CRTC1: variants seen among roughly 807,000 people sequenced by gnomAD.
The protein encoded by CRTC1 is CREB-regulated transcription coactivator 1.
CRTC1 carries 18 observed loss-of-function variants against 66.1 expected under a neutral mutation model. The ratio of observed to expected loss-of-function variants is 0.27; its 90% CI spans 0.19 to 0.40. The LOEUF (loss-of-function observed/expected upper bound fraction) is 0.40. CRTC1 is among the 10% of genes least tolerant of loss of function. The pLI is 1.00. For synonymous variants in CRTC1, 416 were observed against 398.8 expected, an observed-to-expected ratio of 1.04 and a Z score of -0.51; for missense variants, 669 against 887.9, an observed-to-expected ratio of 0.75 and a Z score of 3.13.
rs2055072180 is a variant in CRTC1 at position 18,779,986 on chromosome 19, G to T, written c.*2604G>T. ...GTCTGTATCACGGCCTTTTGTGTGT[G>T]CGTACGTGTGGTTTTTTTAAATATC... On this transcript the variant is annotated 3_prime_UTR_variant, in exon 14 of 14. Coordinates refer to ENST00000321949, the MANE Select transcript of CRTC1 (RefSeq NM_015321.3). The T allele has an allele frequency of 4.4e-6, 1 of 228,894 alleles. No individual in the cohort carries two copies. Among genetic ancestry groups the T allele is most frequent in the Non-Finnish European group, 8.7e-6 (1 of 115,448 alleles). The allele number at this position is 228,894 out of a possible 1,614,324, so 14.2% of individuals were successfully genotyped here.
Position 18,778,432 on chromosome 19 carries a change from A to G in CRTC1, c.*1050A>G, listed in dbSNP as rs1280692277. On this transcript the variant is annotated 3_prime_UTR_variant, in exon 14 of 14. Transcript: ENST00000321949. ...TTTAAGCTAACTGGAAATGGAGGCC[A>G]TGCGCCCCAAAGCAGCCCGCCACCC... 4.3e-6 allele frequency: 1 copy of G among 232,046 alleles called. No individual in the cohort carries two copies. Among genetic ancestry groups the G allele is most frequent in the Non-Finnish European group, 8.5e-6 (1 of 117,348 alleles). 14.4% of individuals were successfully genotyped at this position (232,046 alleles called of 1,614,324 possible).
At chr19:18,700,925 C>T (rs1227386936) in intron 1 of CRTC1, among the ~76,000 whole-genome samples, 1 of 152,274 alleles carries the variant, frequency 6.6e-6, no homozygotes, top group Admixed American at 6.5e-5. Context: ...CCTTTCGCAT[C>T]TGTGCGCATC....
rs1185912388 is a variant in CRTC1, at chr19:18,761,094, ACAT to A, written c.886+867_886+869del. On this transcript the variant is annotated intron_variant, in intron 8 of 13. Coordinates refer to ENST00000321949, the MANE Select transcript of CRTC1 (RefSeq NM_015321.3). Reference sequence around the variant, plus strand: ...CCCAGTCCCACCTCAGGGCCTCTGCACATGTAGTCCTTCCTCTCCAGGAGGCTG... The same window carrying A: ...CCCAGTCCCACCTCAGGGCCTCTGCAGTAGTCCTTCCTCTCCAGGAGGCTG... Among the ~76,000 whole-genome samples, 1,069 of 152,074 alleles carry A rather than the reference ACAT, an allele frequency of 7.0e-3. 18 individuals are homozygous for A. Among genetic ancestry groups the A allele is most frequent in the African/African-American group, 0.025 (1,036 of 41,462 alleles).
intron 1 of CRTC1, among the ~76,000 whole-genome samples, chr19:18,689,753 G>A (rs1161846980): frequency 6.6e-6 from 1 of 150,960 alleles, no homozygotes; most frequent in East Asian, 2.0e-4. Context: ...CATGAACACG[G>A]GTTGTTTCCA....
chr19:18,778,157 G>T lies in CRTC1; in HGVS notation c.*775G>T, dbSNP rs186484626. 4.3e-6 allele frequency: 1 copy of T among 232,940 alleles called. No individual in the cohort carries two copies. Among genetic ancestry groups the T allele is most frequent in the East Asian group, 6.1e-5 (1 of 16,498 alleles). 14.4% of individuals were successfully genotyped at this position (232,940 alleles called of 1,614,324 possible). ...CGGAAGGCCCCGTGAGGGGTCGAAC[G>T]CGGAGGCAGGGGTTACCTCTTGGGG... On this transcript the variant is annotated 3_prime_UTR_variant, in exon 14 of 14. Coordinates refer to ENST00000321949, the MANE Select transcript of CRTC1 (RefSeq NM_015321.3).
At chr19:18,725,378 G>A (rs2053725765) in intron 1 of CRTC1, among the ~76,000 whole-genome samples, 1 of 152,148 alleles carries the variant, frequency 6.6e-6, no homozygotes, top group Non-Finnish European at 1.5e-5. Flanking sequence ...CAGAATCCTT[G>A]CTCTCTGTCA....
intron 7 of CRTC1, 92 bp from the exon 8 acceptor site, chr19:18,759,916 G>T: frequency 9.5e-7 from 1 of 1,055,514 alleles, no homozygotes; most frequent in East Asian, 2.4e-5. Flanking sequence ...GTGGCCTTTT[G>T]CACCCGCTGA....
intron 8 of CRTC1, among the ~76,000 whole-genome samples, chr19:18,761,480 C>T (rs1366556270): frequency 6.6e-6 from 1 of 152,350 alleles, no homozygotes; most frequent in East Asian, 1.9e-4. Flanking sequence ...CCGGCCCCGG[C>T]CCACTCCACC....
rs113211423 is a variant in CRTC1, at chr19:18,706,536, A to C, written c.126+22708A>C. Among the ~76,000 whole-genome samples the C allele has an allele frequency of 2.3e-3, 351 of 152,196 alleles. 1 individual carries two copies. Among genetic ancestry groups the C allele is most frequent in the African/African-American group, 7.9e-3 (330 of 41,544 alleles). On this transcript the variant is annotated intron_variant, in intron 1 of 13. Coordinates refer to ENST00000321949, the MANE Select transcript of CRTC1 (RefSeq NM_015321.3). ...TGGTCTTTATGTTTCTCTTTATGCC[A>C]GTATCACACTCTTTTGATTACTGTA...
At chr19:18,754,182 CT>C in intron 6 of CRTC1, among the ~76,000 whole-genome samples, 1 of 152,272 alleles carries the variant, frequency 6.6e-6, no homozygotes, top group East Asian at 1.9e-4. Context: ...TACTCCTCCC[CT>C]ATGGGAAAGT....
chr19:18,685,164 C>A (rs902793968), intron 1 of CRTC1, among the ~76,000 whole-genome samples: 1 of 152,054 alleles, frequency 6.6e-6, no homozygotes, highest in Non-Finnish European at 1.5e-5. Context: ...TTGTTTGTTT[C>A]TCTGAGAGAT....
Position 18,747,102 on chromosome 19 carries a change from C to G in CRTC1, c.431C>G (p.Thr144Ser). The G allele has an allele frequency of 6.2e-7, 1 of 1,612,356 alleles. No individual in the cohort carries two copies. Among genetic ancestry groups the G allele is most frequent in the Non-Finnish European group, 8.5e-7 (1 of 1,179,430 alleles). Residue 144 changes from threonine (T) to serine (S), a missense_variant, in exon 4 of 14, where the codon ACC becomes AGC. Physicochemically the swap from Thr to Ser is moderately conservative, Grantham distance 58. This residue lies in a region of CRTC1 where 214 missense variants were observed against 323.4 expected (regional missense o/e 0.66). Coordinates refer to ENST00000321949, the MANE Select transcript of CRTC1 (RefSeq NM_015321.3). ...ATGTACCTCTCACCACCCGCGGACACCAGCTGGAGAAGGTCAGTGGCTGGA... is the reference window on the plus strand; with the variant it reads ...ATGTACCTCTCACCACCCGCGGACAGCAGCTGGAGAAGGTCAGTGGCTGGA... ...GTMYLSPPAD[T>S]SWRRTNSDSA... is the part of the protein sequence containing the mutation.
chr19:18,733,473 G>A (rs1460656207), intron 1 of CRTC1, among the ~76,000 whole-genome samples: 2 of 152,244 alleles, frequency 1.3e-5, no homozygotes, highest in Admixed American at 1.3e-4. Flanking sequence ...TCCGAGGCAG[G>A]CCTGGTGTTT....
intron 1 of CRTC1, 33 bp from the exon 2 acceptor site, chr19:18,742,876 AC>A: frequency 2.0e-6 from 3 of 1,486,868 alleles, no homozygotes; most frequent in Non-Finnish European, 2.8e-6. Context: ...CTGGGAGGTG[AC>A]CCCTCCCGCA....
In CRTC1 at chr19:18,741,604, C is replaced by T. The variant is rs182233751; in HGVS notation, c.127-1306C>T. Among the ~76,000 whole-genome samples, 6 of 152,274 alleles carry T rather than the reference C, an allele frequency of 3.9e-5. No individual in the cohort carries two copies. The highest frequency in any genetic ancestry group is 1.9e-4 in the East Asian group (1 of 5,176). ...TACACCCCCTCCCTCTGCCACAGCC[C>T]GGAGCTGGCCTGTTTCATCTGGTGT... On this transcript the variant is annotated intron_variant, in intron 1 of 13. Coordinates refer to ENST00000321949, the MANE Select transcript of CRTC1 (RefSeq NM_015321.3). The surrounding 1 kb of genome is among the most constrained non-coding windows in gnomAD (Gnocchi z 4.2).
At chr19:18,708,240 T>A (rs1750047746) in intron 1 of CRTC1, among the ~76,000 whole-genome samples, 2 of 151,892 alleles carry the variant, frequency 1.3e-5, no homozygotes, top group African/African-American at 4.8e-5. Context: ...GCTGGAGAGC[T>A]TGGACGTGAT....
intron 1 of CRTC1, among the ~76,000 whole-genome samples, chr19:18,724,249 G>A (rs1433808422): frequency 6.6e-6 from 1 of 152,118 alleles, no homozygotes; most frequent in Non-Finnish European, 1.5e-5. Context: ...GTGTGGGTGC[G>A]TGGGGTGTTG....
intron 1 of CRTC1, among the ~76,000 whole-genome samples, chr19:18,734,354 A>G (rs796333795): frequency 5.9e-5 from 9 of 152,110 alleles, no homozygotes; most frequent in African/African-American, 2.2e-4. Context: ...TTGAAAGTAT[A>G]TTTTTCATGT....
intron 6 of CRTC1, among the ~76,000 whole-genome samples, chr19:18,758,216 C>T (rs1017612535): frequency 2.6e-5 from 4 of 151,008 alleles, no homozygotes; most frequent in East Asian, 2.0e-4. Context: ...AAAAATTAGC[C>T]GGGCTTGGTG....
Sources: gnomAD v4.1 joint callset for allele counts (sites outside exome capture counted in the v4.1 genomes callset) on GRCh38, gnomAD v4.1.1 for gene constraint, gnomAD v4.1.1 regional missense constraint, Gnocchi (gnomAD v3.1) non-coding constraint, MANE v1.5 for transcripts, NCBI Gene and HGNC (gene_info 2026-07-23, HGNC 2026-07-21) for gene names.